The following GMEB2 variants were observed in gnomAD, a reference collection of about 807,000 sequenced individuals.
GMEB2 encodes the protein glucocorticoid modulatory element binding protein 2.
A neutral mutation model predicts 45.7 loss-of-function variants in GMEB2; 7 were observed. That is an observed-to-expected ratio of 0.15 (90% confidence interval 0.09 to 0.29). The LOEUF (loss-of-function observed/expected upper bound fraction) is 0.29. Ranked by LOEUF, GMEB2 falls within the 10% of genes least tolerant of loss-of-function variation. The probability of loss-of-function intolerance (pLI) is 1.00; values close to 1 mark genes in which losing one functional copy is unlikely to be tolerated. For missense variants in GMEB2, 582 were observed against 739.2 expected, an observed-to-expected ratio of 0.79 and a Z score of 2.47; for synonymous variants, 322 against 323.6, an observed-to-expected ratio of 1.00 and a Z score of 0.05.
intron 3 of GMEB2, among the ~76,000 whole-genome samples, chr20:63,603,994 C>T (rs2089497809): frequency 6.7e-6 from 1 of 148,850 alleles, no homozygotes; most frequent in African/African-American, 2.5e-5. Flanking sequence ...GCAGAAGTTG[C>T]AGTGAGCTGA....
chr20:63,590,191 G>A lies in GMEB2; in HGVS notation c.1491C>T (p.Ser497=), dbSNP rs755167056. 1.2e-6 allele frequency: 2 copies of A among 1,606,186 alleles called. No homozygotes were observed. Among genetic ancestry groups the A allele is most frequent in the African/African-American group, 1.3e-5 (1 of 74,920 alleles). The change falls in exon 10 of 10, where the codon TCC becomes TCT. Residue 497 remains serine, a synonymous_variant. Coordinates refer to ENST00000370077, the MANE Select transcript of GMEB2 (RefSeq NM_012384.5). ...CTGCGGGCACTGTCACAATTGTGCT[G>A]GAGCCAGGCGAGGCCTGGGCCACGT... ...LQNVAQASPG[S]STIVTVPAGA...
At position 63,590,066 on chromosome 20, in the gene GMEB2, C is replaced by T. The variant is rs954991698; in HGVS notation, c.*23G>A. ...GAGAGACAGCCAGCCCTGTCCGTCCCAGGGGCCTCGCCCTCCTGTCGGCTA... is the reference window on the plus strand; with the variant it reads ...GAGAGACAGCCAGCCCTGTCCGTCCTAGGGGCCTCGCCCTCCTGTCGGCTA... On this transcript the variant is annotated 3_prime_UTR_variant, in exon 10 of 10. Transcript: ENST00000370077. The T allele has an allele frequency of 7.4e-6, 11 of 1,495,822 alleles. No homozygotes were observed. The highest frequency in any genetic ancestry group is 9.8e-6 in the Non-Finnish European group (11 of 1,125,938). 92.7% of individuals were successfully genotyped at this position (1,495,822 alleles called of 1,614,324 possible).
Position 63,619,148 on chromosome 20 carries a change from G to A in GMEB2, c.131+119C>T. The A allele has an allele frequency of 9.8e-7, 1 of 1,015,632 alleles. No individual in the cohort carries two copies. Among genetic ancestry groups the A allele is most frequent in the South Asian group, 1.8e-5 (1 of 55,364 alleles). 62.9% of individuals were successfully genotyped at this position (1,015,632 alleles called of 1,614,324 possible). A position where few individuals can be genotyped will look rare whatever the true frequency, so the allele number is the denominator to read the frequency against. On this transcript the variant is annotated intron_variant, in intron 2 of 9. Transcript: ENST00000370077. The surrounding 1 kb of genome is among the most constrained non-coding windows in gnomAD (Gnocchi z 4.6). ...ACACACACATTTGAGTCCAGTCTCA[G>A]AAGAACTGGAACTAGAAAAATCCTG...
chr20:63,610,613 A>G (rs2089562210), intron 2 of GMEB2, among the ~76,000 whole-genome samples: 1 of 152,192 alleles, frequency 6.6e-6, no homozygotes, highest in African/African-American at 2.4e-5. Flanking sequence ...CACAAAAAAG[A>G]AGAGGATCTT....
At chr20:63,625,603 C>CA (rs2089665624) in intron 1 of GMEB2, among the ~76,000 whole-genome samples, 1 of 143,720 alleles carries the variant, frequency 7.0e-6, no homozygotes. Context: ...TTTTATTTTA[C>CA]TTTTTTTTTT....
At position 63,595,666 on chromosome 20, in the gene GMEB2, G is replaced by A; in HGVS notation, c.563C>T (p.Ser188Phe). 6.2e-7 allele frequency: 1 copy of A among 1,613,718 alleles called. No individual in the cohort carries two copies. Among genetic ancestry groups the A allele is most frequent in the Non-Finnish European group, 8.5e-7 (1 of 1,179,716 alleles). The change falls in exon 6 of 10, where the codon TCC becomes TTC. Residue 188 changes from serine to phenylalanine, a missense_variant. Ser to Phe is a radical substitution (Grantham distance 155). Transcript: ENST00000370077. ...TKIDLSGARV[S>F]LSSPTSAEYI... The stretch of plus-strand genomic sequence containing the variant: ...CTCGGCCGACGTGGGGCTGCTCAGG[G>A]ACACACGGGCTCCTGAGAGGTCAAT...
chr20:63,590,575 G>A lies in GMEB2; in HGVS notation c.1107C>T (p.Ala369=), dbSNP rs769706520. Residue 369 remains alanine, a synonymous_variant, in exon 10 of 10, where the codon GCC becomes GCT. Transcript: ENST00000370077. The stretch of plus-strand genomic sequence containing the variant: ...GGGTGAGCACCTGCGAGGCCATGGC[G>A]GCCGGTCCTGATGTGGCACGTGCAA... ...PRLARATSGP[A]AMASQVLTQS... is the part of the protein sequence containing the mutation. 68 of 1,573,718 alleles carry A rather than the reference G, an allele frequency of 4.3e-5. No homozygotes were observed. The Middle Eastern group carries it at 5.1e-4, about 12-fold the overall frequency.
At position 63,619,587 on chromosome 20, in the gene GMEB2, G is replaced by A. The variant is rs935503849; in HGVS notation, c.-57-133C>T. 1.4e-5 allele frequency: 7 copies of A among 508,924 alleles called. No individual in the cohort carries two copies. The highest frequency in any genetic ancestry group is 2.6e-5 in the South Asian group (1 of 38,438). The allele number at this position is 508,924 out of a possible 1,614,324, so 31.5% of individuals were successfully genotyped here. The stretch of plus-strand genomic sequence containing the variant: ...CAGACTGCTACCTCCTGACAAAAAC[G>A]AGCGGCAACAGAAGGGCTACTCCAG... On this transcript the variant is annotated intron_variant, in intron 1 of 9. Coordinates refer to ENST00000370077, the MANE Select transcript of GMEB2 (RefSeq NM_012384.5). This position sits in a 1 kb window ranked among gnomAD's most constrained non-coding sequence, Gnocchi z 4.6.
intron 2 of GMEB2, among the ~76,000 whole-genome samples, chr20:63,616,763 C>T (rs1243305481): frequency 6.6e-6 from 1 of 152,246 alleles, no homozygotes; most frequent in Non-Finnish European, 1.5e-5. Context: ...CTCAGCCCCA[C>T]TGGCAGAAGA....
In GMEB2 at chr20:63,592,978, C is replaced by T. The variant is rs370048680; in HGVS notation, c.691+33G>A. On this transcript the variant is annotated intron_variant, in intron 7 of 9. Transcript: ENST00000370077. The surrounding 1 kb of genome is among the most constrained non-coding windows in gnomAD (Gnocchi z 8.2). ...CAGAGACTCCACCACCCCGCCAGGG[C>T]TTGTGAGAAGCCCACAAGGAGGAAC... 3.1e-5 allele frequency: 47 copies of T among 1,495,760 alleles called. No individual in the cohort carries two copies. The highest frequency in any genetic ancestry group is 4.2e-5 in the Non-Finnish European group (45 of 1,080,666). The allele number at this position is 1,495,760 out of a possible 1,614,324, so 92.7% of individuals were successfully genotyped here. A position where few individuals can be genotyped will look rare whatever the true frequency, so the allele number is the denominator to read the frequency against.
chr20:63,593,599 GAC>G lies in GMEB2; in HGVS notation c.620-519_620-518del, dbSNP rs1482202861. ...CACCAGAACAAGTGGGGCTTTGAGAGACAGAAACCGTCCTGGCTCTTCCTGTG... is the reference window on the plus strand; with the variant it reads ...CACCAGAACAAGTGGGGCTTTGAGAGAGAAACCGTCCTGGCTCTTCCTGTG... On this transcript the variant is annotated intron_variant, in intron 6 of 9. Coordinates refer to ENST00000370077, the MANE Select transcript of GMEB2 (RefSeq NM_012384.5). The surrounding 1 kb of genome is among the most constrained non-coding windows in gnomAD (Gnocchi z 4.7). Among the ~76,000 whole-genome samples the G allele has an allele frequency of 6.6e-6, 1 of 152,164 alleles. No individual in the cohort carries two copies. Among genetic ancestry groups the G allele is most frequent in the Non-Finnish European group, 1.5e-5 (1 of 68,040 alleles).
intron 1 of GMEB2, among the ~76,000 whole-genome samples, chr20:63,621,989 T>C (rs1217488729): frequency 1.3e-5 from 2 of 151,878 alleles, no homozygotes; most frequent in East Asian, 3.9e-4. Context: ...TAGCCAGGCA[T>C]GGTGGTGTGC....
intron 1 of GMEB2, among the ~76,000 whole-genome samples, chr20:63,621,445 C>T (rs928962270): frequency 1.3e-5 from 2 of 151,986 alleles, no homozygotes; most frequent in Non-Finnish European, 2.9e-5. Flanking sequence ...GGAGGCGGAT[C>T]GCCTGAGGTC....
In GMEB2 at chr20:63,589,578, G is replaced by A. The variant is rs1480707860; in HGVS notation, c.*511C>T. On this transcript the variant is annotated 3_prime_UTR_variant, in exon 10 of 10. Coordinates refer to ENST00000370077, the MANE Select transcript of GMEB2 (RefSeq NM_012384.5). ...ACACTAAACCTACAGAAAACTGTGG[G>A]AAGAAACCAAATCCATAGGATCCAG... 5.3e-6 allele frequency: 1 copy of A among 187,728 alleles called. No homozygotes were observed. 11.6% of individuals were successfully genotyped at this position (187,728 alleles called of 1,614,324 possible).
rs112653599 is a variant in GMEB2, at chr20:63,602,959, G to A, written c.357+6C>T. ...CTCCTGGGCCCTGAATGCAGCCTGT[G>A]CTCACCTGAACACATTTCACATTGA... On this transcript the variant is annotated splice_donor_region_variant and intron_variant, in intron 4 of 9. Transcript: ENST00000370077. 1.1e-5 allele frequency: 18 copies of A among 1,613,490 alleles called. No individual in the cohort carries two copies. The South Asian group carries it at 1.6e-4, about 15-fold the overall frequency.
chr20:63,609,103 G>A (rs2089546162), intron 2 of GMEB2, among the ~76,000 whole-genome samples: 1 of 102,164 alleles, frequency 9.8e-6, no homozygotes, highest in African/African-American at 4.1e-5. Flanking sequence ...ATGCCCCTCT[G>A]ACCCACCTCC....
chr20:63,611,014 C>G (rs549046192), intron 2 of GMEB2, among the ~76,000 whole-genome samples: 1 of 152,298 alleles, frequency 6.6e-6, no homozygotes, highest in Non-Finnish European at 1.5e-5. Context: ...CAGCCTGGAC[C>G]CCCCGGCGAG....
chr20:63,616,560 C>T (rs926967749), intron 2 of GMEB2, among the ~76,000 whole-genome samples: 3 of 152,258 alleles, frequency 2.0e-5, no homozygotes, highest in Non-Finnish European at 4.4e-5. Flanking sequence ...GGAGGGTGCG[C>T]GCAGACGCAG....
At chr20:63,610,605 C>CA (rs1031375934) in intron 2 of GMEB2, among the ~76,000 whole-genome samples, 1 of 152,158 alleles carries the variant, frequency 6.6e-6, no homozygotes, top group Non-Finnish European at 1.5e-5. Context: ...TAATTCCCCA[C>CA]AAAAAAGAAG....
Sources: allele counts gnomAD v4.1 joint callset (sites outside exome capture counted in the v4.1 genomes callset), GRCh38; gene constraint gnomAD v4.1.1; non-coding constraint Gnocchi (gnomAD v3.1); transcripts MANE v1.5; gene names NCBI Gene and HGNC (gene_info 2026-07-23, HGNC 2026-07-21).